AP3D1: variants seen among roughly 807,000 people sequenced by gnomAD.
The protein encoded by AP3D1 is AP-3 complex subunit delta-1.
A neutral mutation model predicts 147.6 loss-of-function variants in AP3D1; 51 were observed. The observed-to-expected ratio is 0.35, with a 90% CI of 0.28 to 0.44. The LOEUF is 0.44. AP3D1 is among the 20% of genes least tolerant of loss of function. The pLI is 1.00. For synonymous variants in AP3D1, 760 were observed against 663.0 expected, an observed-to-expected ratio of 1.15 and a Z score of -2.25; for missense variants, 1,421 against 1,624.2, an observed-to-expected ratio of 0.87 and a Z score of 2.15.
chr19:2,102,165 G>T lies in AP3D1; in HGVS notation c.*8C>A. ...TCCGCGGGGTGGTGCGGGGCTCGCA[G>T]GCAGCTCTCAACACTTGGCCAGCGT... On this transcript the variant is annotated 3_prime_UTR_variant, in exon 32 of 32. Coordinates refer to ENST00000643116, the MANE Select transcript of AP3D1 (RefSeq NM_001261826.3). 1 of 1,611,502 alleles carries T rather than the reference G, an allele frequency of 6.2e-7. No homozygotes were observed.
rs2018180805 is a variant in AP3D1, at chr19:2,108,746, A to C, written c.3493T>G (p.Cys1165Gly). 20 of 1,577,772 alleles carry C rather than the reference A, an allele frequency of 1.3e-5. No individual in the cohort carries two copies. Among genetic ancestry groups the C allele is most frequent in the Non-Finnish European group, 1.6e-5 (19 of 1,162,120 alleles). ...ATGGAGCGGCTGTACATGGAGGCGC[A>C]GGAGTCCACTCGCTCCACAACTGCA... Reference protein sequence around the residue: ...HFSVVERVDSCASMYSRSIQG... With the variant: ...HFSVVERVDSGASMYSRSIQG... The change falls in exon 31 of 32, where the codon TGC (cysteine) becomes GGC (glycine). Residue 1165 changes from cysteine to glycine, a missense_variant. Transcript: ENST00000643116.
chr19:2,136,664 A>G (rs1045637560), intron 4 of AP3D1, among the ~76,000 whole-genome samples: 2 of 152,316 alleles, frequency 1.3e-5, no homozygotes, highest in African/African-American at 4.8e-5. Context: ...CAGCTACACC[A>G]GGCACTACCA....
chr19:2,138,791 G>C (rs2019144092), intron 1 of AP3D1, 77 bp from the exon 2 acceptor site: 1 of 1,056,624 alleles, frequency 9.5e-7, no homozygotes, highest in Non-Finnish European at 1.5e-6. Flanking sequence ...GCCAGGCACA[G>C]TGGCTCACGC....
intron 29 of AP3D1, chr19:2,109,471 T>C (rs1441816685): frequency 2.4e-5 from 12 of 506,466 alleles, no homozygotes; most frequent in Non-Finnish European, 4.2e-5. Flanking sequence ...CAAGGACGGA[T>C]GTCCTGTAGG....
chr19:2,145,494 G>A (rs1161466337), intron 1 of AP3D1, among the ~76,000 whole-genome samples: 1 of 152,198 alleles, frequency 6.6e-6, no homozygotes, highest in East Asian at 1.9e-4. Flanking sequence ...TCTAGGCATG[G>A]AGTGGGTGGA....
At position 2,120,850 on chromosome 19, in the gene AP3D1, G is replaced by A; in HGVS notation, c.1481+12C>T. ...GAGAAGCTGCCAGCCCAGAGGCCCA[G>A]CGCCCACTCACTCTGAGAACTCCCC... On this transcript the variant is annotated intron_variant, in intron 14 of 31. Coordinates refer to ENST00000643116, the MANE Select transcript of AP3D1 (RefSeq NM_001261826.3). 1.2e-6 allele frequency: 2 copies of A among 1,602,490 alleles called. No individual in the cohort carries two copies. Among genetic ancestry groups the A allele is most frequent in the Non-Finnish European group, 1.7e-6 (2 of 1,176,802 alleles).
At chr19:2,144,624 A>G (rs1436023323) in intron 1 of AP3D1, among the ~76,000 whole-genome samples, 3 of 152,038 alleles carry the variant, frequency 2.0e-5, no homozygotes, top group Non-Finnish European at 2.9e-5. Context: ...CCTCTGAGTC[A>G]AGGCGGGGCA....
intron 22 of AP3D1, among the ~76,000 whole-genome samples, chr19:2,113,649 T>C (rs1599448188): frequency 6.6e-6 from 1 of 152,216 alleles, no homozygotes; most frequent in South Asian, 2.1e-4. Flanking sequence ...GGTGGGTGTG[T>C]GCCATTCCAG....
chr19:2,138,480 G>C, intron 2 of AP3D1, 139 bp downstream of exon 2: 2 of 693,706 alleles, frequency 2.9e-6, no homozygotes, highest in Non-Finnish European at 5.1e-6. Context: ...CAGGACTCTG[G>C]GTTGGCCCTG....
At position 2,120,053 on chromosome 19, in the gene AP3D1, C is replaced by T. The variant is rs552916393; in HGVS notation, c.1481+809G>A. Among the ~76,000 whole-genome samples, 8 of 152,246 alleles carry T rather than the reference C, an allele frequency of 5.3e-5. No homozygotes were observed. In the South Asian group the frequency reaches 1.5e-3, roughly 28 times the overall value. On this transcript the variant is annotated intron_variant, in intron 14 of 31. Coordinates refer to ENST00000643116, the MANE Select transcript of AP3D1 (RefSeq NM_001261826.3). Reference sequence around the variant, plus strand: ...CCAGAAGTCAGGCGCCTTCCTGAGCCGGGGCAGGCCCAGGGTGGGGAGTGC... The same window carrying T: ...CCAGAAGTCAGGCGCCTTCCTGAGCTGGGGCAGGCCCAGGGTGGGGAGTGC...
At chr19:2,149,771 A>G (rs1018675501) in intron 1 of AP3D1, among the ~76,000 whole-genome samples, 2 of 152,206 alleles carry the variant, frequency 1.3e-5, no homozygotes, top group African/African-American at 4.8e-5. Context: ...CAGGCTGCTC[A>G]GTGACATGCG....
Position 2,114,229 on chromosome 19 carries a change from C to A in AP3D1, c.2497G>T (p.Asp833Tyr), listed in dbSNP as rs948681668. 6.2e-7 allele frequency: 1 copy of A among 1,613,384 alleles called. No homozygotes were observed. Among genetic ancestry groups the A allele is most frequent in the Non-Finnish European group, 8.5e-7 (1 of 1,179,796 alleles). ...NTETSKSPEKDVPMVEKKSKK... is the reference protein window; with the variant it reads ...NTETSKSPEKYVPMVEKKSKK... ...CTCTTCTTTTCTACCATGGGAACGT[C>A]CTTCTCAGGGGATTTTGAGGTCTCG... Residue 833 changes from aspartate (D) to tyrosine (Y), a missense_variant, in exon 22 of 32, where the codon GAC becomes TAC. Transcript: ENST00000643116.
rs74967342 is a variant in AP3D1 at position 2,111,874 on chromosome 19, AC to A, written c.2788-47del. 0.048 allele frequency: 77,080 copies of A among 1,609,608 alleles called. 2,887 individuals are homozygous for A. The highest frequency in any genetic ancestry group is 0.22 in the East Asian group (9,958 of 44,834). The stretch of plus-strand genomic sequence containing the variant: ...GGTTCAGTGCCCAGGCTGCTCCAGC[AC>A]GCCCCCATCACAGTGTGAGGTCAGG... On this transcript the variant is annotated intron_variant, in intron 24 of 31. Coordinates refer to ENST00000643116, the MANE Select transcript of AP3D1 (RefSeq NM_001261826.3).
chr19:2,111,216 G>A, intron 26 of AP3D1, 69 bp downstream of exon 26: 1 of 1,588,386 alleles, frequency 6.3e-7, no homozygotes, highest in Non-Finnish European at 8.6e-7. Context: ...GGCTGCCCGG[G>A]TTCCGCGCGA....
chr19:2,123,956 C>T (rs2018682430), intron 9 of AP3D1, 77 bp from the exon 10 acceptor site: 2 of 1,476,896 alleles, frequency 1.4e-6, no homozygotes, highest in East Asian at 4.9e-5. Flanking sequence ...CACGGGGCAC[C>T]AGCACCCCCT....
At position 2,137,025 on chromosome 19, in the gene AP3D1, T is replaced by C; in HGVS notation, c.340A>G (p.Asn114Asp). 6.3e-7 allele frequency: 1 copy of C among 1,593,012 alleles called. No individual in the cohort carries two copies. The highest frequency in any genetic ancestry group is 8.5e-7 in the Non-Finnish European group (1 of 1,170,020). Residue 114 changes from asparagine (N) to aspartate (D), a missense_variant, in exon 4 of 32, where the codon AAT becomes GAT. Asn to Asp is a conservative substitution (Grantham distance 23). Coordinates refer to ENST00000643116, the MANE Select transcript of AP3D1 (RefSeq NM_001261826.3). ...GGAACACCCACCTTACGGATCTGATTGGTGGTCAGCATGATGACGTCGGTG... is the reference window on the plus strand; with the variant it reads ...GGAACACCCACCTTACGGATCTGATCGGTGGTCAGCATGATGACGTCGGTG... ...EGTDVIMLTT[N>D]QIRKDLSSPS...
At chr19:2,134,790 G>A (rs188362665) in intron 4 of AP3D1, among the ~76,000 whole-genome samples, 109 of 151,526 alleles carry the variant, frequency 7.2e-4, no homozygotes, top group African/African-American at 2.4e-3. Flanking sequence ...TAGTACAGAC[G>A]GGGTTTCACC....
intron 16 of AP3D1, 41 bp downstream of exon 16, chr19:2,117,181 T>C: frequency 1.3e-6 from 2 of 1,549,530 alleles, no homozygotes; most frequent in Non-Finnish European, 1.7e-6. Context: ...AGGGACCATG[T>C]CAGGGCCATG....
At chr19:2,152,986 A>G (rs1388225509), upstream of AP3D1, among the ~76,000 whole-genome samples, 3 of 150,838 alleles carry the variant, frequency 2.0e-5, no homozygotes, top group African/African-American at 7.3e-5. Context: ...GTAAAATCCC[A>G]GAGTTTAGGA....
Sources: allele counts gnomAD v4.1 joint callset (sites outside exome capture counted in the v4.1 genomes callset), GRCh38; gene constraint gnomAD v4.1.1; transcripts MANE v1.5; gene names NCBI Gene and HGNC (gene_info 2026-07-23, HGNC 2026-07-21).